Variants in RPTOR observed in about 807,000 individuals in gnomAD.
The protein encoded by RPTOR is regulatory associated protein of MTOR complex 1, also known as regulatory-associated protein of mTOR.
A neutral mutation model predicts 169.9 loss-of-function variants in RPTOR; 21 were observed. The observed-to-expected ratio is 0.12, with a 90% confidence interval of 0.09 to 0.18. RPTOR has a LOEUF of 0.18. RPTOR is among the 10% of genes least tolerant of loss of function. The pLI, the probability that RPTOR is intolerant of heterozygous loss-of-function variation, is 1.00. For synonymous variants in RPTOR, 732 were observed against 753.2 expected (o/e 0.97, Z 0.46); for missense variants, 1,133 against 1,855.9 (o/e 0.61, Z 7.16).
At position 80,695,503 on chromosome 17, in the gene RPTOR, C is replaced by T. The variant is rs2066028957; in HGVS notation, c.349-12338C>T. Among the ~76,000 whole-genome samples, 2 of 152,124 alleles carry T rather than the reference C, an allele frequency of 1.3e-5. No individual in the cohort carries two copies. The highest frequency in any genetic ancestry group is 1.3e-4 in the Admixed American group (2 of 15,288). On this transcript the variant is annotated intron_variant, in intron 3 of 33. Coordinates refer to ENST00000306801, the MANE Select transcript of RPTOR (RefSeq NM_020761.3). This position sits in a 1 kb window ranked among gnomAD's most constrained non-coding sequence, Gnocchi z 4.9. ...GGTGGGTGGCTCACGTGTGGGCTCACCTGCGTCACTTCTCTCCAGCTCACC... is the reference window on the plus strand; with the variant it reads ...GGTGGGTGGCTCACGTGTGGGCTCATCTGCGTCACTTCTCTCCAGCTCACC...
chr17:80,847,729 C>G lies in RPTOR; in HGVS notation c.1314+1155C>G, dbSNP rs7217580. On this transcript the variant is annotated intron_variant, in intron 11 of 33. Transcript: ENST00000306801. Reference sequence around the variant, plus strand: ...GTTGGGTCCTCGCCTTCCTAGAAAGCAGATCGGGTGGTGGTACCTCCATGG... The same window carrying G: ...GTTGGGTCCTCGCCTTCCTAGAAAGGAGATCGGGTGGTGGTACCTCCATGG... 3.9e-3 allele frequency among the ~76,000 whole-genome samples: 600 copies of G among 152,324 alleles called. 6 individuals carry two copies. The highest frequency in any genetic ancestry group is 0.014 in the African/African-American group (573 of 41,570).
At position 80,947,967 on chromosome 17, in the gene RPTOR, G is replaced by A. The variant is rs1292219383; in HGVS notation, c.3265+616G>A. Among the ~76,000 whole-genome samples the A allele has an allele frequency of 2.6e-5, 4 of 152,220 alleles. No homozygotes were observed. The highest frequency in any genetic ancestry group is 4.4e-5 in the Non-Finnish European group (3 of 68,044). On this transcript the variant is annotated intron_variant, in intron 27 of 33. Transcript: ENST00000306801. The surrounding 1 kb of genome is among the most constrained non-coding windows in gnomAD (Gnocchi z 4.4). The stretch of plus-strand genomic sequence containing the variant: ...GTTTCATCTTCACTTTGGAACAATC[G>A]TTTGTTTCCATGTCAGTTACCCCAC...
chr17:80,876,998 G>T (rs1156412297), intron 13 of RPTOR, among the ~76,000 whole-genome samples: 2 of 146,774 alleles, frequency 1.4e-5, no homozygotes, highest in East Asian at 4.1e-4. Context: ...TGCCATGCAG[G>T]GTGTGTGTGT....
intron 1 of RPTOR, among the ~76,000 whole-genome samples, chr17:80,594,878 C>A (rs2065133845): frequency 6.6e-6 from 1 of 152,170 alleles, no homozygotes; most frequent in African/African-American, 2.4e-5. Context: ...GTTCTTGTGA[C>A]AACGAATCCC....
At chr17:80,763,054 T>G (rs2066750971) in intron 6 of RPTOR, among the ~76,000 whole-genome samples, 1 of 152,178 alleles carries the variant, frequency 6.6e-6, no homozygotes, top group Non-Finnish European at 1.5e-5. Flanking sequence ...CGTTTAAGCC[T>G]GGGCAAAACA....
intron 5 of RPTOR, among the ~76,000 whole-genome samples, chr17:80,744,353 T>G (rs1323073206): frequency 8.5e-6 from 1 of 117,650 alleles, no homozygotes; most frequent in Non-Finnish European, 1.8e-5. Context: ...CCCTGGCTAC[T>G]AGCACTGTCC....
At chr17:80,597,773 CAG>C (rs2065154749) in intron 1 of RPTOR, among the ~76,000 whole-genome samples, 1 of 152,042 alleles carries the variant, frequency 6.6e-6, no homozygotes, top group African/African-American at 2.4e-5. Flanking sequence ...CTTGGCCTCC[CAG>C]AGTGTTGAGA....
chr17:80,593,718 G>A (rs2065124239), intron 1 of RPTOR: 1 of 152,148 alleles, frequency 6.6e-6, no homozygotes, highest in South Asian at 2.1e-4. Context: ...AAAGAGATTT[G>A]CAACAATGAA....
intron 7 of RPTOR, among the ~76,000 whole-genome samples, chr17:80,813,524 A>G (rs977587000): frequency 2.0e-5 from 3 of 152,228 alleles, no homozygotes; most frequent in Non-Finnish European, 2.9e-5. Context: ...GATTGCTTTC[A>G]GTAACTCTCC....
rs147310198 is a variant in RPTOR at position 80,690,519 on chromosome 17, A to G, written c.349-17322A>G. On this transcript the variant is annotated intron_variant, in intron 3 of 33. Transcript: ENST00000306801. Reference sequence around the variant, plus strand: ...GCAGTTGATTGGTTGAAGAAACTGGATCATGTAGCCTGTAGAATTTATCGT... The same window carrying G: ...GCAGTTGATTGGTTGAAGAAACTGGGTCATGTAGCCTGTAGAATTTATCGT... Among the ~76,000 whole-genome samples, 19 of 151,866 alleles carry G rather than the reference A, an allele frequency of 1.3e-4. No homozygotes were observed. The East Asian group carries it at 3.3e-3, about 26-fold the overall frequency.
At chr17:80,684,539 G>C (rs2143716777) in intron 3 of RPTOR, among the ~76,000 whole-genome samples, 1 of 151,832 alleles carries the variant, frequency 6.6e-6, no homozygotes. Flanking sequence ...CCTCCTCCCG[G>C]GTTCACGCCA....
chr17:80,559,961 G>A (rs929899020), intron 1 of RPTOR, among the ~76,000 whole-genome samples: 7 of 152,252 alleles, frequency 4.6e-5, no homozygotes, highest in Non-Finnish European at 8.8e-5. Context: ...GTCAGCATTA[G>A]TCAGTGTTTT....
At chr17:80,681,167 A>G (rs905223819) in intron 3 of RPTOR, among the ~76,000 whole-genome samples, 3 of 152,148 alleles carry the variant, frequency 2.0e-5, no homozygotes, top group Middle Eastern at 3.2e-3. Context: ...TGCGGAGGCC[A>G]GTTAGTGTCA....
chr17:80,780,302 A>G (rs1479628200), intron 6 of RPTOR, among the ~76,000 whole-genome samples: 1 of 152,194 alleles, frequency 6.6e-6, no homozygotes, highest in African/African-American at 2.4e-5. Flanking sequence ...TCGGTGGAGA[A>G]GAGCGGAAAG....
intron 1 of RPTOR, among the ~76,000 whole-genome samples, chr17:80,589,959 C>G (rs968900771): frequency 6.6e-6 from 1 of 152,174 alleles, no homozygotes; most frequent in Non-Finnish European, 1.5e-5. Context: ...GCATCCTTAA[C>G]TTTTTTCTTA....
Position 80,955,706 on chromosome 17 carries a change from G to A in RPTOR, c.3371-1918G>A, listed in dbSNP as rs936118951. On this transcript the variant is annotated intron_variant, in intron 28 of 33. Coordinates refer to ENST00000306801, the MANE Select transcript of RPTOR (RefSeq NM_020761.3). ...AAAAAAACGGCAAACACCACACATC[G>A]ATAAGGATTTGGGGACATTGGCTTG... Among the ~76,000 whole-genome samples, 20 of 152,188 alleles carry A rather than the reference G, an allele frequency of 1.3e-4. 1 individual carries two copies. The highest frequency in any genetic ancestry group is 6.5e-4 in the Admixed American group (10 of 15,278).
At chr17:80,762,475 A>G (rs573477110) in intron 6 of RPTOR, among the ~76,000 whole-genome samples, 1 of 152,314 alleles carries the variant, frequency 6.6e-6, no homozygotes, top group South Asian at 2.1e-4. Context: ...CTTGATAGGC[A>G]TGGCCTGCTG....
intron 3 of RPTOR, among the ~76,000 whole-genome samples, chr17:80,676,584 G>A (rs935793589): frequency 2.0e-5 from 3 of 152,226 alleles, no homozygotes; most frequent in Non-Finnish European, 4.4e-5. Context: ...AGGCTGGACC[G>A]GGTGTGCCAG....
chr17:80,858,213 C>T (rs1191424266), intron 13 of RPTOR: 4 of 375,404 alleles, frequency 1.1e-5, no homozygotes, highest in East Asian at 1.1e-4. Flanking sequence ...GTCTGACCCC[C>T]GTAAGGCTGT....
Sources: gnomAD v4.1 joint callset for allele counts (sites outside exome capture counted in the v4.1 genomes callset) on GRCh38, gnomAD v4.1.1 for gene constraint, Gnocchi (gnomAD v3.1) non-coding constraint, MANE v1.5 for transcripts, NCBI Gene and HGNC (gene_info 2026-07-23, HGNC 2026-07-21) for gene names.